The following PDE10A variants were observed in gnomAD, a reference collection of about 807,000 sequenced individuals.
PDE10A encodes the protein phosphodiesterase 10A, also known as cAMP and cAMP-inhibited cGMP 3',5'-cyclic phosphodiesterase 10A.
Under a neutral mutation model 97.7 loss-of-function variants are expected in PDE10A, and 39 were observed. The ratio of observed to expected loss-of-function variants is 0.40; its 90% CI spans 0.31 to 0.52. The LOEUF (loss-of-function observed/expected upper bound fraction) is 0.52, where lower values mean the gene tolerates loss of function less well. Ranked by LOEUF, PDE10A falls within the 20% of genes least tolerant of loss-of-function variation. The probability of loss-of-function intolerance (pLI) is 0.56; values close to 1 mark genes in which losing one functional copy is unlikely to be tolerated. For missense variants in PDE10A, 731 were observed against 1,047.8 expected, an observed-to-expected ratio of 0.70 and a Z score of 4.17; for synonymous variants, 371 against 376.8, an observed-to-expected ratio of 0.98 and a Z score of 0.18.
At chr6:165,927,973 A>C (rs965097957) in intron 1 of PDE10A, among the ~76,000 whole-genome samples, 1 of 150,938 alleles carries the variant, frequency 6.6e-6, no homozygotes. Context: ...ATGGGATTAC[A>C]GGCGTGAGCC....
At chr6:165,787,422 A>G (rs1778526236) in intron 1 of PDE10A, among the ~76,000 whole-genome samples, 1 of 152,190 alleles carries the variant, frequency 6.6e-6, no homozygotes, top group Non-Finnish European at 1.5e-5. Context: ...TAGAAACTGC[A>G]CCCAAATTAC....
At chr6:165,756,075 A>G (rs768760633) in intron 1 of PDE10A, among the ~76,000 whole-genome samples, 19 of 152,270 alleles carry the variant, frequency 1.2e-4, no homozygotes, top group Middle Eastern at 3.4e-3. Context: ...CTCAGACAAT[A>G]CCAGCAAATG....
At chr6:165,823,908 A>C (rs1313793656) in intron 1 of PDE10A, among the ~76,000 whole-genome samples, 6 of 152,210 alleles carry the variant, frequency 3.9e-5, no homozygotes, top group Non-Finnish European at 5.9e-5. Context: ...TTATGCTTTA[A>C]GTATGTATGC....
chr6:165,707,662 C>CGT (rs758621741), intron 1 of PDE10A, among the ~76,000 whole-genome samples: 76 of 151,264 alleles, frequency 5.0e-4, no homozygotes, highest in Admixed American at 2.0e-3. Flanking sequence ...TATATGTGAG[C>CGT]GTGTGTGTGT....
chr6:165,768,995 C>T (rs1021508), intron 1 of PDE10A, among the ~76,000 whole-genome samples: 57,544 of 152,050 alleles, frequency 0.38, 10,984 homozygotes, highest in Admixed American at 0.45. Flanking sequence ...TATGACTAGT[C>T]TATATTCTAT....
chr6:165,411,586 G>A (rs150970852), intron 13 of PDE10A, among the ~76,000 whole-genome samples: 153 of 152,324 alleles, frequency 1.0e-3, no homozygotes, highest in African/African-American at 3.3e-3. Flanking sequence ...CACAGTCTGT[G>A]ATGTTTATTA....
Position 165,388,360 on chromosome 6 carries a change from C to T in PDE10A, c.2548G>A (p.Ala850Thr). 1 of 1,614,040 alleles carries T rather than the reference C, an allele frequency of 6.2e-7. No individual in the cohort carries two copies. Among genetic ancestry groups the T allele is most frequent in the Non-Finnish European group, 8.5e-7 (1 of 1,179,974 alleles). Residue 850 changes from alanine to threonine, a missense_variant, in exon 17 of 22, where the codon GCT (alanine) becomes ACT (threonine). This residue lies in a region of PDE10A where 25 missense variants were observed against 83.7 expected (regional missense o/e 0.30). Transcript: ENST00000539869. This position sits in a 1 kb window ranked among gnomAD's most constrained non-coding sequence, Gnocchi z 4.0. ...YLQKFDHPLA[A>T]LYSTSTMEQH... ...TCCATGGTGGAAGTGGAGTAGAGAGCGGCCAGAGGGTGGTCGAACTTCTGC... is the reference window on the plus strand; with the variant it reads ...TCCATGGTGGAAGTGGAGTAGAGAGTGGCCAGAGGGTGGTCGAACTTCTGC...
At chr6:165,963,130 A>C (rs1422234773) in intron 1 of PDE10A, among the ~76,000 whole-genome samples, 2 of 152,204 alleles carry the variant, frequency 1.3e-5, no homozygotes, top group East Asian at 3.8e-4. Flanking sequence ...TTGAAATAAA[A>C]ATTTTTCAAG....
intron 1 of PDE10A, among the ~76,000 whole-genome samples, chr6:165,901,568 C>T (rs1197633390): frequency 6.6e-6 from 1 of 152,106 alleles, no homozygotes; most frequent in African/African-American, 2.4e-5. Flanking sequence ...TTTGGGAAGC[C>T]GAGGCGGGCG....
rs193211057 is a variant in PDE10A, at chr6:165,675,683, C to T, written c.-614-132115G>A. Among the ~76,000 whole-genome samples, 7 of 152,270 alleles carry T rather than the reference C, an allele frequency of 4.6e-5. No individual in the cohort carries two copies. In the East Asian group the frequency reaches 1.4e-3, roughly 29 times the overall value. ...TTTTGGGGTGACCTCAATGCCAAGCCTCATGCCATACTGGAAAATTATTCA... is the reference window on the plus strand; with the variant it reads ...TTTTGGGGTGACCTCAATGCCAAGCTTCATGCCATACTGGAAAATTATTCA... On this transcript the variant is annotated intron_variant, in intron 1 of 19. Transcript: ENST00000366882.
chr6:165,966,040 C>G (rs1162583319), intron 1 of PDE10A, among the ~76,000 whole-genome samples: 6 of 152,238 alleles, frequency 3.9e-5, no homozygotes, highest in Non-Finnish European at 7.3e-5. Context: ...CTAAACACCT[C>G]CACACACATC....
intron 1 of PDE10A, among the ~76,000 whole-genome samples, chr6:165,599,236 A>AAACACAAAG (rs1471235011): frequency 1.3e-5 from 2 of 152,254 alleles, no homozygotes; most frequent in African/African-American, 4.8e-5. Flanking sequence ...TAAAACAAGC[A>AAACACAAAG]AACACAAAGA....
intron 1 of PDE10A, among the ~76,000 whole-genome samples, chr6:165,724,725 A>G (rs1450417093): frequency 6.6e-6 from 1 of 152,238 alleles, no homozygotes; most frequent in Non-Finnish European, 1.5e-5. Context: ...GTTTACTTAT[A>G]TGATCAGTAA....
At chr6:165,808,073 G>A (rs1488003341) in intron 1 of PDE10A, among the ~76,000 whole-genome samples, 1 of 152,172 alleles carries the variant, frequency 6.6e-6, no homozygotes, top group East Asian at 1.9e-4. Flanking sequence ...ACGGCCTCAC[G>A]TGCTCTGCTT....
chr6:165,943,175 AAAAGAAAGAAAGAAAGAAAG>A lies in PDE10A; in HGVS notation c.-615+44334_-615+44353del, dbSNP rs1210872117. Among the ~76,000 whole-genome samples the A allele has an allele frequency of 3.1e-3, 214 of 68,406 alleles. 3 individuals are homozygous for A. The highest frequency in any genetic ancestry group is 3.2e-3 in the Admixed American group (20 of 6,220). The allele number at this position is 68,406 out of a possible 152,430, so 44.9% of individuals were successfully genotyped here. A position where few individuals can be genotyped will look rare whatever the true frequency, so the allele number is the denominator to read the frequency against. ...AGAGAGAGAGAGAAGAAAGAAAGAA[AAAAGAAAGAAAGAAAGAAAG>A]AAAGAAAGAAAGAAAGAAAGAAAGA... On this transcript the variant is annotated intron_variant, in intron 1 of 19. Transcript: ENST00000366882.
chr6:165,829,799 A>T (rs1779859129), intron 1 of PDE10A, among the ~76,000 whole-genome samples: 1 of 152,174 alleles, frequency 6.6e-6, no homozygotes. Context: ...TCTCCAGCAA[A>T]GGAAAGATGT....
At chr6:165,521,515 A>G (rs980897451) in intron 2 of PDE10A, among the ~76,000 whole-genome samples, 2 of 152,240 alleles carry the variant, frequency 1.3e-5, no homozygotes, top group African/African-American at 4.8e-5. Context: ...CAAGGAAATT[A>G]TAAGTTCTAC....
At chr6:165,953,768 C>G (rs77053476) in intron 1 of PDE10A, among the ~76,000 whole-genome samples, 30 of 152,268 alleles carry the variant, frequency 2.0e-4, no homozygotes, top group Non-Finnish European at 1.9e-4. Flanking sequence ...TACTAAAGTG[C>G]GTAGCTTACA....
chr6:165,909,628 G>A (rs1313862018), intron 1 of PDE10A, among the ~76,000 whole-genome samples: 4 of 152,182 alleles, frequency 2.6e-5, no homozygotes, highest in African/African-American at 7.2e-5. Context: ...ATCAGAAAGC[G>A]AATTGCTCCT....
Sources: allele counts gnomAD v4.1 joint callset (sites outside exome capture counted in the v4.1 genomes callset), GRCh38; gene constraint gnomAD v4.1.1; regional missense constraint gnomAD v4.1.1; non-coding constraint Gnocchi (gnomAD v3.1); transcripts MANE v1.5; gene names NCBI Gene and HGNC (gene_info 2026-07-23, HGNC 2026-07-21).